The following CSMD3 variants were observed in gnomAD, a reference collection of about 807,000 sequenced individuals.
The protein encoded by CSMD3 is CUB and Sushi multiple domains 3.
Under a neutral mutation model 435.2 loss-of-function variants are expected in CSMD3, and 177 were observed. The observed-to-expected ratio is 0.41, with a 90% confidence interval of 0.36 to 0.46. The LOEUF is 0.46. Ranked by LOEUF, CSMD3 falls within the 20% of genes least tolerant of loss-of-function variation. The pLI, the probability that CSMD3 is intolerant of heterozygous loss-of-function variation, is 0.34. For synonymous variants in CSMD3, 1,656 were observed against 1,520.5 expected, an observed-to-expected ratio of 1.09 and a Z score of -2.07; for missense variants, 4,265 against 4,504.6, an observed-to-expected ratio of 0.95 and a Z score of 1.52.
At position 112,883,458 on chromosome 8, in the gene CSMD3, A is replaced by C. The variant is rs181934016; in HGVS notation, c.1634-24192T>G. 2.0e-5 allele frequency among the ~76,000 whole-genome samples: 3 copies of C among 152,136 alleles called. No homozygotes were observed. In the East Asian group the frequency reaches 5.8e-4, roughly 30 times the overall value. ...TGAACCATTTCAGTGCTTCTAATTT[A>C]CAAATAGGTAGTGTTTTTCTAACAA... On this transcript the variant is annotated intron_variant, in intron 10 of 70. Coordinates refer to ENST00000297405, the MANE Select transcript of CSMD3 (RefSeq NM_198123.2).
intron 22 of CSMD3, among the ~76,000 whole-genome samples, chr8:112,592,557 T>A (rs1014029639): frequency 6.6e-6 from 1 of 152,054 alleles, no homozygotes; most frequent in African/African-American, 2.4e-5. Context: ...AGAATTAGGG[T>A]AATCTTTATT....
At chr8:112,605,611 C>A (rs1290900762) in intron 22 of CSMD3, among the ~76,000 whole-genome samples, 2 of 149,242 alleles carry the variant, frequency 1.3e-5, no homozygotes, top group Admixed American at 6.7e-5. Flanking sequence ...GAACAATAAA[C>A]ACAAAGTGAA....
At chr8:113,120,592 T>G (rs1471319823) in intron 4 of CSMD3, among the ~76,000 whole-genome samples, 1 of 152,178 alleles carries the variant, frequency 6.6e-6, no homozygotes, top group Non-Finnish European at 1.5e-5. Flanking sequence ...CAAGGTGTTA[T>G]TGTAAGAAGA....
intron 27 of CSMD3, among the ~76,000 whole-genome samples, chr8:112,537,217 A>G (rs1276068268): frequency 6.6e-6 from 1 of 151,930 alleles, no homozygotes; most frequent in African/African-American, 2.4e-5. Context: ...AAATGTAAAC[A>G]AAACACCCCA....
intron 32 of CSMD3, among the ~76,000 whole-genome samples, chr8:112,436,231 A>G (rs1327810773): frequency 6.6e-6 from 1 of 151,912 alleles, no homozygotes; most frequent in Non-Finnish European, 1.5e-5. Flanking sequence ...AACTGATCTA[A>G]TGAAAAAGAC....
At position 112,976,084 on chromosome 8, in the gene CSMD3, A is replaced by G. The variant is rs1339318992; in HGVS notation, c.1095T>C (p.Thr365=). ...GELEEHNRTT[T]GAIAVASTPA... ...GTGTGCTAGCAACAGCAATAGCACC[A>G]GTGGTAGTCCTGTTATGCTCCTCTA... The change falls in exon 7 of 71, where the codon ACT becomes ACC. Residue 365 remains threonine (T), a synonymous_variant. Transcript: ENST00000297405. 1 of 1,614,070 alleles carries G rather than the reference A, an allele frequency of 6.2e-7. No individual in the cohort carries two copies. The highest frequency in any genetic ancestry group is 1.1e-5 in the South Asian group (1 of 91,082).
chr8:113,322,996 C>A (rs2093959375), intron 1 of CSMD3, among the ~76,000 whole-genome samples: 1 of 152,148 alleles, frequency 6.6e-6, no homozygotes, highest in Non-Finnish European at 1.5e-5. Flanking sequence ...TCTTCACCCA[C>A]CTCAGCCTCC....
chr8:113,417,767 T>A (rs149577775), intron 1 of CSMD3, among the ~76,000 whole-genome samples: 16 of 152,092 alleles, frequency 1.1e-4, no homozygotes, highest in African/African-American at 3.9e-4. Context: ...AAGACAGATT[T>A]TAAAAGGACA....
At chr8:112,956,237 T>C (rs2084014793) in intron 7 of CSMD3, among the ~76,000 whole-genome samples, 1 of 152,026 alleles carries the variant, frequency 6.6e-6, no homozygotes, top group African/African-American at 2.4e-5. Flanking sequence ...TAACTGTGAA[T>C]CCTTATTCAT....
rs894907821 is a variant in CSMD3 at position 112,289,446 on chromosome 8, C to T, written c.9067G>A (p.Gly3023Arg). 6 of 1,613,246 alleles carry T rather than the reference C, an allele frequency of 3.7e-6. No homozygotes were observed. The highest frequency in any genetic ancestry group is 1.3e-5 in the African/African-American group (1 of 74,880). Reference protein sequence around the residue: ...FGSTVHYSCTGKRSLLGQSSR... With the variant: ...FGSTVHYSCTRKRSLLGQSSR... ...GACTGGCCTAAAAGGGAACGCTTTC[C>T]TGTGCAGGAATAGTGAACAGTAGAC... is the stretch of plus-strand genomic sequence containing the variant. The change falls in exon 57 of 71, where the codon GGA (glycine) becomes AGA (arginine). Residue 3023 changes from glycine to arginine, a missense_variant. Physicochemically the swap from Gly to Arg is moderately radical, Grantham distance 125 (BLOSUM62 -2). Transcript: ENST00000297405.
At chr8:112,947,350 T>A (rs992735769) in intron 9 of CSMD3, among the ~76,000 whole-genome samples, 7 of 151,712 alleles carry the variant, frequency 4.6e-5, no homozygotes, top group Admixed American at 1.3e-4. Flanking sequence ...AAATAAGATG[T>A]TTATAGAACA....
chr8:112,926,071 T>G (rs2082900654), intron 9 of CSMD3, among the ~76,000 whole-genome samples: 1 of 152,174 alleles, frequency 6.6e-6, no homozygotes, highest in Non-Finnish European at 1.5e-5. Context: ...AATATAAAAG[T>G]GCAAAACAAC....
At chr8:113,434,890 C>T (rs778830030) in intron 1 of CSMD3, among the ~76,000 whole-genome samples, 3 of 152,132 alleles carry the variant, frequency 2.0e-5, no homozygotes, top group Non-Finnish European at 4.4e-5. Context: ...CCCTCATCTG[C>T]CCCCGAATGT....
At chr8:113,211,148 C>T (rs1397381003) in intron 3 of CSMD3, among the ~76,000 whole-genome samples, 1 of 152,058 alleles carries the variant, frequency 6.6e-6, no homozygotes, top group Non-Finnish European at 1.5e-5. Flanking sequence ...CAAATATACT[C>T]AAATATAAAA....
intron 2 of CSMD3, among the ~76,000 whole-genome samples, chr8:113,303,590 C>A (rs1339516267): frequency 2.8e-5 from 4 of 145,088 alleles, no homozygotes; most frequent in African/African-American, 1.0e-4. Flanking sequence ...CAGAACAGAG[C>A]CCTCAGAAAT....
intron 13 of CSMD3, among the ~76,000 whole-genome samples, chr8:112,790,622 A>G (rs1393165740): frequency 6.6e-6 from 1 of 152,074 alleles, no homozygotes; most frequent in African/African-American, 2.4e-5. Context: ...CGTAATCTCT[A>G]TTATATCTTT....
intron 54 of CSMD3, among the ~76,000 whole-genome samples, chr8:112,293,067 TAA>T (rs1485533045): frequency 2.0e-5 from 3 of 151,908 alleles, no homozygotes; most frequent in Non-Finnish European, 2.9e-5. Flanking sequence ...GGGGAATAAT[TAA>T]AGTTCATGTC....
At chr8:112,277,306 TC>T (rs1197870702) in intron 59 of CSMD3, among the ~76,000 whole-genome samples, 2 of 152,156 alleles carry the variant, frequency 1.3e-5, no homozygotes, top group African/African-American at 4.8e-5. Flanking sequence ...AGTTCAAAGT[TC>T]CACAAATCTC....
intron 5 of CSMD3, among the ~76,000 whole-genome samples, chr8:113,076,911 G>A (rs1401739437): frequency 6.6e-6 from 1 of 152,074 alleles, no homozygotes; most frequent in Admixed American, 6.6e-5. Context: ...AAGATGGTTT[G>A]AAAACACTGT....
Sources: gnomAD v4.1 joint callset for allele counts (sites outside exome capture counted in the v4.1 genomes callset) on GRCh38, gnomAD v4.1.1 for gene constraint, MANE v1.5 for transcripts, NCBI Gene and HGNC (gene_info 2026-07-23, HGNC 2026-07-21) for gene names.